Variants in PTPN9 observed in about 807,000 individuals in gnomAD.
The protein encoded by PTPN9 is protein tyrosine phosphatase non-receptor type 9.
A neutral mutation model predicts 69.8 loss-of-function variants in PTPN9; 26 were observed. The ratio of observed to expected loss-of-function variants is 0.37; its 90% CI spans 0.27 to 0.52. PTPN9 has a LOEUF of 0.52. Ranked by LOEUF, PTPN9 falls within the 20% of genes least tolerant of loss-of-function variation. The probability of loss-of-function intolerance (pLI) is 0.91; values close to 1 mark genes in which losing one functional copy is unlikely to be tolerated. For missense variants in PTPN9, 549 were observed against 740.3 expected (o/e 0.74, Z 3.00); for synonymous variants, 274 against 272.5 (o/e 1.01, Z -0.05).
intron 7 of PTPN9, among the ~76,000 whole-genome samples, chr15:75,490,689 A>G (rs2074704383): frequency 6.6e-6 from 1 of 151,896 alleles, no homozygotes; most frequent in African/African-American, 2.4e-5. Context: ...CAGTAGCGTG[A>G]TCTCGACTCA....
chr15:75,509,910 G>C (rs746504106), intron 5 of PTPN9, among the ~76,000 whole-genome samples: 1 of 152,178 alleles, frequency 6.6e-6, no homozygotes, highest in Non-Finnish European at 1.5e-5. Context: ...CTTGAACCCA[G>C]GAAGTGGAGG....
At chr15:75,540,945 G>A (rs1414226176) in intron 1 of PTPN9, among the ~76,000 whole-genome samples, 1 of 151,782 alleles carries the variant, frequency 6.6e-6, no homozygotes, top group African/African-American at 2.4e-5. Context: ...CAGGTGTGGT[G>A]GTGCACACCT....
chr15:75,515,445 A>G (rs1235572523), intron 5 of PTPN9, among the ~76,000 whole-genome samples: 1 of 151,062 alleles, frequency 6.6e-6, no homozygotes, highest in Non-Finnish European at 1.5e-5. Context: ...AAAAAAAAAA[A>G]AGAAATCTTA....
intron 1 of PTPN9, among the ~76,000 whole-genome samples, chr15:75,539,817 G>A (rs554182888): frequency 1.4e-4 from 20 of 138,984 alleles, no homozygotes; most frequent in South Asian, 2.6e-4. Flanking sequence ...GATTACAGGC[G>A]CGCACCACCA....
chr15:75,549,350 A>C (rs2075047048), intron 1 of PTPN9, among the ~76,000 whole-genome samples: 1 of 151,902 alleles, frequency 6.6e-6, no homozygotes, highest in Non-Finnish European at 1.5e-5. Context: ...ACAGGGGTGG[A>C]CCACCACACT....
chr15:75,494,131 C>CATATATATATATATAT (rs71140166), intron 7 of PTPN9, among the ~76,000 whole-genome samples: 90 of 143,490 alleles, frequency 6.3e-4, no homozygotes, highest in African/African-American at 2.2e-3. Context: ...TTATCAATCC[C>CATATATATATATATAT]ATATATATAT....
chr15:75,497,095 A>G (rs2074747065), intron 7 of PTPN9, among the ~76,000 whole-genome samples: 1 of 149,716 alleles, frequency 6.7e-6, no homozygotes, highest in Non-Finnish European at 1.5e-5. Flanking sequence ...AGAAAGAAAT[A>G]TCATATTCAT....
chr15:75,537,442 C>CAAAAA (rs1567510749), intron 1 of PTPN9, among the ~76,000 whole-genome samples: 3 of 49,754 alleles, frequency 6.0e-5, no homozygotes, highest in African/African-American at 3.8e-4. Context: ...AATATCTTCC[C>CAAAAA]TAAAAAAAAA....
chr15:75,468,632 C>A lies in PTPN9; in HGVS notation c.*137G>T, dbSNP rs543343042. On this transcript the variant is annotated 3_prime_UTR_variant, in exon 13 of 13. Transcript: ENST00000618819. ...CTAGCCAAAGGGAAAGGCTGCCTTG[C>A]GTGCACACGTGTGCTGGGAGACACA... The A allele has an allele frequency of 2.8e-6, 2 of 721,624 alleles. No individual in the cohort carries two copies. The highest frequency in any genetic ancestry group is 2.5e-5 in the East Asian group (1 of 39,408). The allele number at this position is 721,624 out of a possible 1,614,324, so 44.7% of individuals were successfully genotyped here.
rs1299259246 is a variant in PTPN9, at chr15:75,468,734, A to G, written c.*35T>C. 1 of 1,597,054 alleles carries G rather than the reference A, an allele frequency of 6.3e-7. No individual in the cohort carries two copies. Among genetic ancestry groups the G allele is most frequent in the African/African-American group, 1.3e-5 (1 of 74,582 alleles). On this transcript the variant is annotated 3_prime_UTR_variant, in exon 13 of 13. Coordinates refer to ENST00000618819, the MANE Select transcript of PTPN9 (RefSeq NM_002833.4). ...CAGCGGTGTCCAGGGTAGTTTAAGGAAGGCTGGCCAACAGGTAGGAGGTTC... is the reference window on the plus strand; with the variant it reads ...CAGCGGTGTCCAGGGTAGTTTAAGGGAGGCTGGCCAACAGGTAGGAGGTTC...
At chr15:75,510,429 G>C (rs562942478) in intron 5 of PTPN9, among the ~76,000 whole-genome samples, 1 of 152,162 alleles carries the variant, frequency 6.6e-6, no homozygotes, top group Admixed American at 6.5e-5. Flanking sequence ...GTAGAGACAG[G>C]GTTTCACCAT....
At chr15:75,504,628 T>C (rs1234027159) in intron 7 of PTPN9, among the ~76,000 whole-genome samples, 283 of 68,288 alleles carry the variant, frequency 4.1e-3, no homozygotes, top group South Asian at 5.7e-3. Context: ...CCGCCCCGTC[T>C]GGGAGGGAGG....
intron 5 of PTPN9, among the ~76,000 whole-genome samples, chr15:75,514,722 C>A (rs534892099): frequency 6.6e-6 from 1 of 152,140 alleles, no homozygotes; most frequent in African/African-American, 2.4e-5. Flanking sequence ...ATATTAAAAA[C>A]TATTAATTTC....
At chr15:75,506,245 ACT>A (rs1224959815) in intron 6 of PTPN9, among the ~76,000 whole-genome samples, 2 of 152,326 alleles carry the variant, frequency 1.3e-5, no homozygotes, top group African/African-American at 4.8e-5. Flanking sequence ...AATTAGGGAC[ACT>A]GTTATACATC....
At chr15:75,547,323 G>GCT (rs2075037744) in intron 1 of PTPN9, among the ~76,000 whole-genome samples, 1 of 146,342 alleles carries the variant, frequency 6.8e-6, no homozygotes, top group African/African-American at 2.5e-5. Flanking sequence ...AAAAGGCCAG[G>GCT]CACAGTGGCT....
At chr15:75,572,089 T>C (rs2075150807) in intron 1 of PTPN9, among the ~76,000 whole-genome samples, 1 of 152,108 alleles carries the variant, frequency 6.6e-6, no homozygotes, top group South Asian at 2.1e-4. Context: ...CCCAGCACTT[T>C]GGGCTGCTGA....
intron 7 of PTPN9, among the ~76,000 whole-genome samples, chr15:75,498,535 T>C (rs1232086614): frequency 6.6e-6 from 1 of 151,772 alleles, no homozygotes; most frequent in Non-Finnish European, 1.5e-5. Flanking sequence ...GCCAACATGG[T>C]GAAACCCTGA....
At chr15:75,530,541 TA>T (rs1432743678) in intron 1 of PTPN9, among the ~76,000 whole-genome samples, 1 of 38,066 alleles carries the variant, frequency 2.6e-5, no homozygotes, top group African/African-American at 2.1e-4. Context: ...ATAATATTAT[TA>T]TATTATAATA....
Position 75,466,133 on chromosome 15 carries a change from T to C in PTPN9, c.*2636A>G, listed in dbSNP as rs1015755640. 1.3e-5 allele frequency: 2 copies of C among 152,250 alleles called. No homozygotes were observed. The highest frequency in any genetic ancestry group is 2.9e-5 in the Non-Finnish European group (2 of 68,036). 9.4% of individuals were successfully genotyped at this position (152,250 alleles called of 1,614,324 possible). A position where few individuals can be genotyped will look rare whatever the true frequency, so the allele number is the denominator to read the frequency against. On this transcript the variant is annotated 3_prime_UTR_variant, in exon 13 of 13. Transcript: ENST00000618819. ...TGAAAGAAGATACTTTGGAGTCAGA[T>C]GGTCTGGGATCCTGGCTGTAGCAAA...
Sources: allele counts gnomAD v4.1 joint callset (sites outside exome capture counted in the v4.1 genomes callset), GRCh38; gene constraint gnomAD v4.1.1; transcripts MANE v1.5; gene names NCBI Gene and HGNC (gene_info 2026-07-23, HGNC 2026-07-21).